LYSET: variants seen among roughly 807,000 people sequenced by gnomAD.
LYSET encodes the protein GNPTAB cleavage and activity factor.
At chr14:93,188,122 C>G in the LYSET span, among the ~76,000 whole-genome samples, 1 of 152,022 alleles carries the variant, frequency 6.6e-6, no homozygotes, top group South Asian at 2.1e-4. Flanking sequence ...CCATGCCTGG[C>G]TAATTTTTGT....
At chr14:93,186,221 T>G in the LYSET span, 1 of 1,565,274 alleles carries the variant, frequency 6.4e-7, no homozygotes, top group Non-Finnish European at 8.7e-7. Context: ...CGTGACAGCA[T>G]TACTAGACCC....
chr14:93,185,020 A>T, the LYSET span: 1 of 154,724 alleles, frequency 6.5e-6, no homozygotes, highest in South Asian at 1.8e-4. Flanking sequence ...GCTGGCCACC[A>T]CGGGACAGGA....
the LYSET span, chr14:93,185,227 C>T: frequency 1.0e-5 from 4 of 399,820 alleles, no homozygotes; most frequent in African/African-American, 2.1e-5. Flanking sequence ...GGACGCCTCC[C>T]TGCCGGGTCA....
the LYSET span, among the ~76,000 whole-genome samples, chr14:93,188,087 T>G: frequency 6.6e-6 from 1 of 151,834 alleles, no homozygotes. Flanking sequence ...GACTCCCGAG[T>G]AGCTGGGATT....
chr14:93,186,195 C>A, the LYSET span: 1 of 1,465,540 alleles, frequency 6.8e-7, no homozygotes. Flanking sequence ...AAAGCAAGTA[C>A]ATTTGGAGTA....
At chr14:93,186,884 C>T in the LYSET span, 1 of 483,518 alleles carries the variant, frequency 2.1e-6, no homozygotes, top group Admixed American at 3.9e-5. Flanking sequence ...TTGATGACTT[C>T]AGATTTTGGA....
chr14:93,187,733 C>T, the LYSET span, among the ~76,000 whole-genome samples: 3 of 152,122 alleles, frequency 2.0e-5, no homozygotes, highest in South Asian at 4.1e-4. Flanking sequence ...ACTGCAACCT[C>T]CACCTCTCGG....
the LYSET span, chr14:93,185,274 G>C: frequency 1.3e-6 from 1 of 792,870 alleles, no homozygotes; most frequent in South Asian, 1.9e-5. Flanking sequence ...GGCGACGGGG[G>C]CCGGGCCGCG....
At chr14:93,186,682 C>T in the LYSET span, 4 of 1,573,822 alleles carry the variant, frequency 2.5e-6, no homozygotes, top group East Asian at 6.7e-5. Flanking sequence ...AATCAGTCAC[C>T]GTTTTTTCCC....
At chr14:93,187,539 G>A in the LYSET span, among the ~76,000 whole-genome samples, 1 of 152,116 alleles carries the variant, frequency 6.6e-6, no homozygotes, top group African/African-American at 2.4e-5. Context: ...GAAACTAAGT[G>A]TTAAATGTTG....
the LYSET span, chr14:93,185,524 G>C: frequency 5.2e-6 from 8 of 1,543,742 alleles, no homozygotes; most frequent in South Asian, 2.3e-5. Flanking sequence ...TTGGGGGCTT[G>C]ACTTGTAGCA....
chr14:93,185,766 TGTAA>T, the LYSET span, among the ~76,000 whole-genome samples: 5 of 152,230 alleles, frequency 3.3e-5, no homozygotes, highest in African/African-American at 7.2e-5. Context: ...TTTACTTGAT[TGTAA>T]GTATTACACA....
chr14:93,186,831 G>T, the LYSET span: 1 of 693,566 alleles, frequency 1.4e-6, no homozygotes, highest in Non-Finnish European at 2.3e-6. Flanking sequence ...GAATAATAAC[G>T]AATTTTTAGG....
chr14:93,187,181 G>A, the LYSET span: 2 of 164,488 alleles, frequency 1.2e-5, no homozygotes. Context: ...AGCTTATGAG[G>A]CATTGCTAAA....
chr14:93,187,343 C>T, the LYSET span, among the ~76,000 whole-genome samples: 4 of 152,042 alleles, frequency 2.6e-5, no homozygotes, highest in South Asian at 2.1e-4. Flanking sequence ...AGGCAGGTCT[C>T]GAACTCCTGG....
At chr14:93,186,104 C>G in the LYSET span, among the ~76,000 whole-genome samples, 1 of 152,148 alleles carries the variant, frequency 6.6e-6, no homozygotes, top group African/African-American at 2.4e-5. Context: ...CACCTGACCT[C>G]GTGATCCACC....
At chr14:93,187,533 C>CTA in the LYSET span, among the ~76,000 whole-genome samples, 1 of 151,998 alleles carries the variant, frequency 6.6e-6, no homozygotes, top group African/African-American at 2.4e-5. Context: ...TGGGAAGAAA[C>CTA]TAAGTGTTAA....
At chr14:93,185,968 A>T in the LYSET span, among the ~76,000 whole-genome samples, 1 of 150,406 alleles carries the variant, frequency 6.6e-6, no homozygotes, top group African/African-American at 2.5e-5. Context: ...TCCTGGGTTC[A>T]CGCCATTCTC....
At chr14:93,186,211 CG>C in the LYSET span, 2 of 1,526,170 alleles carry the variant, frequency 1.3e-6, no homozygotes, top group Non-Finnish European at 1.8e-6. Context: ...GAGTAGTTGC[CG>C]TGACAGCATT....
Sources: gnomAD v4.1 joint callset for allele counts (sites outside exome capture counted in the v4.1 genomes callset) on GRCh38, gnomAD v4.1.1 for gene constraint, MANE v1.5 for transcripts, NCBI Gene and HGNC (gene_info 2026-07-23, HGNC 2026-07-21) for gene names.